The following THRB variants were observed in gnomAD, a reference collection of about 807,000 sequenced individuals.
THRB encodes the protein nuclear receptor subfamily 1 group A member 2.
Under a neutral mutation model 47.8 loss-of-function variants are expected in THRB, and 12 were observed. The observed-to-expected ratio is 0.25, with a 90% CI of 0.16 to 0.41. The LOEUF is 0.41. THRB is among the 10% of genes least tolerant of loss of function. The pLI is 1.00. For missense variants in THRB, 348 were observed against 589.2 expected (o/e 0.59, Z 4.24); for synonymous variants, 218 against 212.2 (o/e 1.03, Z -0.24).
intron 5 of THRB, among the ~76,000 whole-genome samples, chr3:24,158,873 G>A (rs1023734458): frequency 9.6e-4 from 140 of 145,104 alleles, no homozygotes; most frequent in African/African-American, 3.3e-3. Context: ...TCTCTCTCTC[G>A]CATACTTGGG....
chr3:24,356,225 C>G (rs1420877686), intron 1 of THRB, among the ~76,000 whole-genome samples: 3 of 152,120 alleles, frequency 2.0e-5, no homozygotes, highest in African/African-American at 7.2e-5. Context: ...GTTTGATGCT[C>G]TGCCCTTCTG....
At chr3:24,402,352 C>T (rs1270348230) in intron 1 of THRB, among the ~76,000 whole-genome samples, 2 of 151,984 alleles carry the variant, frequency 1.3e-5, no homozygotes, top group Non-Finnish European at 2.9e-5. Flanking sequence ...CCCAATCTGA[C>T]CAAATCAACA....
chr3:24,435,709 C>T (rs975830976), intron 1 of THRB, among the ~76,000 whole-genome samples: 1 of 152,182 alleles, frequency 6.6e-6, no homozygotes, highest in African/African-American at 2.4e-5. Context: ...AACTTAAAAC[C>T]AAATCAGTCC....
chr3:24,128,987 C>T (rs981229125), intron 9 of THRB, among the ~76,000 whole-genome samples: 11 of 146,818 alleles, frequency 7.5e-5, no homozygotes, highest in Non-Finnish European at 1.0e-4. Context: ...TTTTGGGAAA[C>T]GCTCTTGGCA....
At chr3:24,396,528 C>T (rs1316484737) in intron 1 of THRB, among the ~76,000 whole-genome samples, 2 of 152,066 alleles carry the variant, frequency 1.3e-5, no homozygotes, top group Admixed American at 1.3e-4. Flanking sequence ...CTAATTGTCA[C>T]CTGCAGGGCC....
At chr3:24,217,056 C>T (rs2046636510) in intron 4 of THRB, among the ~76,000 whole-genome samples, 1 of 149,658 alleles carries the variant, frequency 6.7e-6, no homozygotes, top group Non-Finnish European at 1.5e-5. Context: ...GTAGGAATTA[C>T]ACTCTTATAA....
chr3:24,163,760 A>C (rs2683544), intron 5 of THRB, among the ~76,000 whole-genome samples: 64,448 of 151,516 alleles, frequency 0.43, 15,599 homozygotes, highest in African/African-American at 0.66. Flanking sequence ...TCAAGATGAG[A>C]AACTCTAAAT....
At chr3:24,347,275 A>G (rs1263667828) in intron 1 of THRB, among the ~76,000 whole-genome samples, 2 of 151,902 alleles carry the variant, frequency 1.3e-5, no homozygotes, top group Non-Finnish European at 2.9e-5. Flanking sequence ...ACTTAAATGC[A>G]TGTATCAGAA....
At chr3:24,343,723 C>T (rs1445832388) in intron 1 of THRB, among the ~76,000 whole-genome samples, 5 of 151,890 alleles carry the variant, frequency 3.3e-5, no homozygotes, top group Admixed American at 3.3e-4. Flanking sequence ...TCTCAAATAG[C>T]ACCCAGACAG....
Position 24,123,205 on chromosome 3 carries a change from TG to T in THRB, c.1145-81del, listed in dbSNP as rs1350982315. On this transcript the variant is annotated intron_variant, in intron 10 of 10. Coordinates refer to ENST00000646209, the MANE Select transcript of THRB (RefSeq NM_001354712.2). The stretch of plus-strand genomic sequence containing the variant: ...GCTTTGTCCAATTCCAGGCCTTTAT[TG>T]GGGGGCGGGCAGATCTAGGGTCTTC... 9 of 1,597,618 alleles carry T rather than the reference TG, an allele frequency of 5.6e-6. No homozygotes were observed. In the South Asian group the frequency reaches 8.9e-5, roughly 16 times the overall value.
chr3:24,238,857 T>C (rs1420921328), intron 3 of THRB, among the ~76,000 whole-genome samples: 2 of 152,038 alleles, frequency 1.3e-5, no homozygotes, highest in South Asian at 2.1e-4. Flanking sequence ...CAGTGTCAAA[T>C]GGGGGGCAGG....
intron 3 of THRB, among the ~76,000 whole-genome samples, chr3:24,261,000 A>G (rs1031734682): frequency 6.6e-6 from 1 of 152,156 alleles, no homozygotes; most frequent in Admixed American, 6.5e-5. Context: ...CATTTCTAAT[A>G]ATTCCCAAGT....
At chr3:24,141,930 C>T (rs1289020881) in intron 8 of THRB, among the ~76,000 whole-genome samples, 1 of 152,192 alleles carries the variant, frequency 6.6e-6, no homozygotes, top group African/African-American at 2.4e-5. Flanking sequence ...CCCAAGTGTA[C>T]TGTGTTAGAA....
intron 8 of THRB, among the ~76,000 whole-genome samples, chr3:24,142,265 A>T (rs1301390509): frequency 6.6e-6 from 1 of 152,220 alleles, no homozygotes; most frequent in Non-Finnish European, 1.5e-5. Flanking sequence ...GAAGTTAATG[A>T]ATGAAAAGCA....
intron 4 of THRB, among the ~76,000 whole-genome samples, chr3:24,193,162 T>C (rs1483072453): frequency 6.6e-6 from 1 of 152,192 alleles, no homozygotes; most frequent in Non-Finnish European, 1.5e-5. Context: ...TGGTCTTCAG[T>C]AATTTCCTAT....
intron 1 of THRB, among the ~76,000 whole-genome samples, chr3:24,449,807 AAAG>A (rs2072466209): frequency 1.3e-5 from 2 of 152,226 alleles, no homozygotes; most frequent in African/African-American, 4.8e-5. Flanking sequence ...AATGGGAAAA[AAAG>A]AAGATTAAGT....
intron 1 of THRB, among the ~76,000 whole-genome samples, chr3:24,474,644 C>T (rs937233992): frequency 5.9e-5 from 9 of 152,030 alleles, no homozygotes; most frequent in African/African-American, 1.9e-4. Flanking sequence ...GCTACAGCAA[C>T]TCAAATACAC....
intron 10 of THRB, among the ~76,000 whole-genome samples, chr3:24,125,959 T>C (rs1194699168): frequency 6.6e-6 from 1 of 152,166 alleles, no homozygotes; most frequent in African/African-American, 2.4e-5. Flanking sequence ...GGTGCCACAG[T>C]GTACATGGGA....
intron 1 of THRB, among the ~76,000 whole-genome samples, chr3:24,344,879 G>A (rs2062910386): frequency 6.6e-6 from 1 of 151,926 alleles, no homozygotes; most frequent in Admixed American, 6.6e-5. Context: ...CCCAACCACA[G>A]TATGAAAAAC....
Sources: allele counts gnomAD v4.1 joint callset (sites outside exome capture counted in the v4.1 genomes callset), GRCh38; gene constraint gnomAD v4.1.1; transcripts MANE v1.5; gene names NCBI Gene and HGNC (gene_info 2026-07-23, HGNC 2026-07-21).